GRB10: variants seen among roughly 807,000 people sequenced by gnomAD.
GRB10 encodes growth factor receptor-bound protein 10.
A neutral mutation model predicts 80.9 loss-of-function variants in GRB10; 20 were observed. That is an observed-to-expected ratio of 0.25 (90% CI 0.17 to 0.36). The LOEUF (loss-of-function observed/expected upper bound fraction) is 0.36, where lower values mean the gene tolerates loss of function less well. Among genes scored for constraint, GRB10 ranks in the 10% least tolerant of loss-of-function variants. GRB10 has a pLI of 1.00. For synonymous variants in GRB10, 291 were observed against 291.5 expected (o/e 1.00, Z 0.02); for missense variants, 548 against 747.7 (o/e 0.73, Z 3.12).
Position 50,612,771 on chromosome 7 carries a change from C to T in GRB10, c.1164G>A (p.Thr388=), listed in dbSNP as rs777948946. The change falls in exon 13 of 19, where the codon ACG becomes ACA. Residue 388 remains threonine (T), a synonymous_variant. Coordinates refer to ENST00000401949, the MANE Select transcript of GRB10 (RefSeq NM_001350814.2). ...LLCAEDEQTR[T]CWMTAFRLLK... ...GGAGTCTGAACGCTGTCATCCAGCACGTCCTGGTTTGCTCGTCCTCTGCAC... is the reference window on the plus strand; with the variant it reads ...GGAGTCTGAACGCTGTCATCCAGCATGTCCTGGTTTGCTCGTCCTCTGCAC... 11 of 1,613,884 alleles carry T rather than the reference C, an allele frequency of 6.8e-6. No individual in the cohort carries two copies. Among genetic ancestry groups the T allele is most frequent in the African/African-American group, 4.0e-5 (3 of 75,038 alleles).
At chr7:50,632,539 G>A (rs905029159) in intron 7 of GRB10, among the ~76,000 whole-genome samples, 12 of 152,188 alleles carry the variant, frequency 7.9e-5, no homozygotes, top group Admixed American at 2.6e-4. Context: ...CATGGGAGCC[G>A]GGTGCCCCAC....
chr7:50,713,274 C>G (rs73349045), intron 4 of GRB10, among the ~76,000 whole-genome samples: 14,106 of 151,990 alleles, frequency 0.093, 2,169 homozygotes, highest in African/African-American at 0.32. Context: ...CCTGCCTCCT[C>G]CTCCTCTGCG....
intron 1 of GRB10, among the ~76,000 whole-genome samples, chr7:50,791,973 CTCGGGG>C (rs1225558491): frequency 1.3e-5 from 2 of 152,180 alleles, no homozygotes; most frequent in Non-Finnish European, 2.9e-5. Flanking sequence ...AAGAGAGGAA[CTCGGGG>C]TCAGCTCGTT....
intron 4 of GRB10, among the ~76,000 whole-genome samples, chr7:50,709,908 C>T (rs1370223901): frequency 1.3e-5 from 2 of 152,080 alleles, no homozygotes; most frequent in African/African-American, 2.4e-5. Context: ...CCTAATGTAA[C>T]GTGGCTCATA....
At chr7:50,618,857 G>C (rs1394305479) in intron 9 of GRB10, among the ~76,000 whole-genome samples, 1 of 152,216 alleles carries the variant, frequency 6.6e-6, no homozygotes, top group African/African-American at 2.4e-5. Flanking sequence ...TGTTTGATCA[G>C]TTCAACTGAG....
chr7:50,629,584 C>T (rs2053618138), intron 7 of GRB10, among the ~76,000 whole-genome samples: 1 of 152,172 alleles, frequency 6.6e-6, no homozygotes, highest in African/African-American at 2.4e-5. Flanking sequence ...AAGCTAAGAC[C>T]CAGAGACAGA....
At chr7:50,617,905 T>G (rs11770199) in intron 10 of GRB10, 166 bp downstream of exon 10, 99,117 of 671,818 alleles carry the variant, frequency 0.15, 8,434 homozygotes, top group Non-Finnish European at 0.18. Flanking sequence ...TTTTAATTTC[T>G]GGTTACTCTA....
chr7:50,643,634 G>T (rs1008733181), intron 7 of GRB10, among the ~76,000 whole-genome samples: 6 of 152,158 alleles, frequency 3.9e-5, no homozygotes, highest in African/African-American at 1.4e-4. Flanking sequence ...CCTGACTTTG[G>T]TAACTTTATT....
In GRB10 at chr7:50,709,199, C is replaced by T. The variant is rs6949393; in HGVS notation, c.52-5291G>A. On this transcript the variant is annotated intron_variant, in intron 4 of 18. Coordinates refer to ENST00000401949, the MANE Select transcript of GRB10 (RefSeq NM_001350814.2). Reference sequence around the variant, plus strand: ...AACACCACCTTCATAAAGATGAACACGAGAAGCCCTCCCTCTCCTAGGGTG... The same window carrying T: ...AACACCACCTTCATAAAGATGAACATGAGAAGCCCTCCCTCTCCTAGGGTG... Among the ~76,000 whole-genome samples, 22 of 152,310 alleles carry T rather than the reference C, an allele frequency of 1.4e-4. No homozygotes were observed. The East Asian group carries it at 3.3e-3, about 23-fold the overall frequency.
intron 5 of GRB10, among the ~76,000 whole-genome samples, chr7:50,683,348 T>A (rs2061742677): frequency 6.6e-6 from 1 of 152,208 alleles, no homozygotes. Flanking sequence ...CAGAGTTTCA[T>A]TTTTGCCAGA....
At chr7:50,615,793 C>T (rs1231163455) in intron 11 of GRB10, among the ~76,000 whole-genome samples, 1 of 152,248 alleles carries the variant, frequency 6.6e-6, no homozygotes, top group Admixed American at 6.5e-5. Context: ...ACTGGGGATA[C>T]ATGCAAGCCT....
intron 7 of GRB10, among the ~76,000 whole-genome samples, chr7:50,646,899 G>C (rs898255460): frequency 5.3e-5 from 8 of 152,154 alleles, no homozygotes; most frequent in African/African-American, 1.7e-4. Context: ...ATCCCACCTG[G>C]TAAGGCCGGT....
intron 7 of GRB10, among the ~76,000 whole-genome samples, chr7:50,641,253 T>C (rs994720379): frequency 1.3e-5 from 2 of 148,936 alleles, no homozygotes; most frequent in African/African-American, 2.6e-5. Flanking sequence ...TCTACTATGC[T>C]TGAATTTTAT....
chr7:50,728,486 G>C (rs1054740442), intron 4 of GRB10, among the ~76,000 whole-genome samples: 35 of 152,114 alleles, frequency 2.3e-4, no homozygotes, highest in Non-Finnish European at 1.2e-4. Context: ...CCAGAAAATG[G>C]GGAGGAGATG....
intron 14 of GRB10, among the ~76,000 whole-genome samples, chr7:50,605,863 T>C (rs1282046288): frequency 6.6e-6 from 1 of 152,174 alleles, no homozygotes; most frequent in Non-Finnish European, 1.5e-5. Context: ...CCCTCAGGAC[T>C]GTATTTTGAG....
At chr7:50,671,026 T>C (rs1200888129) in intron 6 of GRB10, among the ~76,000 whole-genome samples, 1 of 152,132 alleles carries the variant, frequency 6.6e-6, no homozygotes, top group Admixed American at 6.5e-5. Flanking sequence ...CAGAAGCAAC[T>C]GTGAACAGCA....
At chr7:50,722,969 A>G (rs2068001874) in intron 4 of GRB10, among the ~76,000 whole-genome samples, 1 of 152,184 alleles carries the variant, frequency 6.6e-6, no homozygotes, top group African/African-American at 2.4e-5. Flanking sequence ...AGAAAGCTGA[A>G]AAATCCATAT....
intron 9 of GRB10, among the ~76,000 whole-genome samples, chr7:50,618,590 C>A (rs1195077064): frequency 6.6e-6 from 1 of 152,238 alleles, no homozygotes; most frequent in African/African-American, 2.4e-5. Flanking sequence ...TCAGAAATGG[C>A]CCTGGGTCTT....
intron 3 of GRB10, among the ~76,000 whole-genome samples, chr7:50,742,279 A>G (rs1331371956): frequency 9.9e-3 from 191 of 19,328 alleles, no homozygotes; most frequent in African/African-American, 0.016. Flanking sequence ...GCGCACACAC[A>G]CACACACACA....
Sources: gnomAD v4.1 joint callset for allele counts (sites outside exome capture counted in the v4.1 genomes callset) on GRCh38, gnomAD v4.1.1 for gene constraint, MANE v1.5 for transcripts, NCBI Gene and HGNC (gene_info 2026-07-23, HGNC 2026-07-21) for gene names.